Variants in PDZRN3 observed in about 807,000 individuals in gnomAD.
The protein encoded by PDZRN3 is PDZ domain containing ring finger 3.
PDZRN3 carries 38 observed loss-of-function variants against 85.7 expected under a neutral mutation model. The observed-to-expected ratio is 0.44, with a 90% confidence interval of 0.34 to 0.58. The LOEUF (loss-of-function observed/expected upper bound fraction) is 0.58, where lower values mean the gene tolerates loss of function less well. Ranked by LOEUF, PDZRN3 falls within the 20% of genes least tolerant of loss-of-function variation. PDZRN3 has a pLI of 0.01. For missense variants in PDZRN3, 1,629 were observed against 1,506.4 expected (o/e 1.08, Z -1.35); for synonymous variants, 759 against 638.0 (o/e 1.19, Z -2.86).
chr3:73,466,544 G>A (rs1703218259), intron 3 of PDZRN3, among the ~76,000 whole-genome samples: 3 of 152,146 alleles, frequency 2.0e-5, no homozygotes, highest in African/African-American at 7.2e-5. Context: ...TGGCCCAGGA[G>A]AGAATCCTTA....
At chr3:73,605,654 C>T (rs1262746840) in intron 2 of PDZRN3, among the ~76,000 whole-genome samples, 4 of 152,202 alleles carry the variant, frequency 2.6e-5, no homozygotes, top group East Asian at 3.8e-4. Flanking sequence ...TAACTAACAA[C>T]GTGTGTGCAT....
At chr3:73,503,578 T>A (rs1250208498) in intron 3 of PDZRN3, among the ~76,000 whole-genome samples, 1 of 152,232 alleles carries the variant, frequency 6.6e-6, no homozygotes, top group Admixed American at 6.5e-5. Context: ...AAATTCTTCT[T>A]TTGCTTTGTT....
chr3:73,532,937 C>A (rs2106759674), intron 3 of PDZRN3, among the ~76,000 whole-genome samples: 1 of 152,262 alleles, frequency 6.6e-6, no homozygotes, highest in Non-Finnish European at 1.5e-5. Flanking sequence ...CCAGAAGAAT[C>A]TAGAAATCTA....
intron 3 of PDZRN3, among the ~76,000 whole-genome samples, chr3:73,446,550 T>C (rs1329289814): frequency 6.6e-6 from 1 of 152,188 alleles, no homozygotes; most frequent in Non-Finnish European, 1.5e-5. Context: ...TTATTAGACA[T>C]AACCTCAGGA....
chr3:73,515,127 G>C (rs960974205), intron 3 of PDZRN3, among the ~76,000 whole-genome samples: 2 of 149,854 alleles, frequency 1.3e-5, no homozygotes, highest in African/African-American at 4.9e-5. Context: ...GTCCTTTTCT[G>C]ACTAGGTAAT....
At chr3:73,440,349 T>C (rs1310660756) in intron 3 of PDZRN3, among the ~76,000 whole-genome samples, 2 of 152,280 alleles carry the variant, frequency 1.3e-5, no homozygotes, top group East Asian at 3.9e-4. Flanking sequence ...CATCAGTCTC[T>C]GAAAGTCATG....
rs56134399 is a variant in PDZRN3 at position 73,528,885 on chromosome 3, A to AACACACAC, written c.918+73461_918+73468dup. 5.5e-3 allele frequency among the ~76,000 whole-genome samples: 812 copies of AACACACAC among 146,862 alleles called. 9 individuals carry two copies. Among genetic ancestry groups the AACACACAC allele is most frequent in the African/African-American group, 0.018 (733 of 39,920 alleles). On this transcript the variant is annotated intron_variant, in intron 3 of 9. Transcript: ENST00000263666. ...TTAGTCCTAAGAATCTTTTGTGGGA[A>AACACACAC]ACACACACACACACACACACACACA... is the stretch of plus-strand genomic sequence containing the variant.
chr3:73,492,868 T>A (rs1361604776), intron 3 of PDZRN3, among the ~76,000 whole-genome samples: 1 of 152,148 alleles, frequency 6.6e-6, no homozygotes, highest in Non-Finnish European at 1.5e-5. Flanking sequence ...TATGCATGTA[T>A]TGAAATATCA....
chr3:73,412,214 G>A (rs1443385655), intron 3 of PDZRN3, among the ~76,000 whole-genome samples: 1 of 152,174 alleles, frequency 6.6e-6, no homozygotes, highest in African/African-American at 2.4e-5. Context: ...GTTTTTGCAA[G>A]CGTCATGCCC....
At chr3:73,586,052 T>A (rs1575751443) in intron 3 of PDZRN3, among the ~76,000 whole-genome samples, 3 of 152,224 alleles carry the variant, frequency 2.0e-5, no homozygotes, top group Admixed American at 2.0e-4. Context: ...TTTTTAAAGT[T>A]TAGATTTTAC....
At chr3:73,440,697 G>A (rs1389532047) in intron 3 of PDZRN3, among the ~76,000 whole-genome samples, 11 of 152,134 alleles carry the variant, frequency 7.2e-5, no homozygotes, top group Non-Finnish European at 1.6e-4. Context: ...CCTCCAAAAG[G>A]CCCTTGCTAA....
intron 3 of PDZRN3, among the ~76,000 whole-genome samples, chr3:73,578,516 C>A (rs578039380): frequency 6.6e-6 from 1 of 151,876 alleles, no homozygotes. Context: ...GTTCCCGTTA[C>A]ATAGGGGAAA....
chr3:73,462,102 T>C (rs1395401986), intron 3 of PDZRN3, among the ~76,000 whole-genome samples: 1 of 152,240 alleles, frequency 6.6e-6, no homozygotes, highest in African/African-American at 2.4e-5. Flanking sequence ...TTCAATTATA[T>C]GAAAAGCAAG....
At chr3:73,595,478 A>G (rs1702418178) in intron 3 of PDZRN3, among the ~76,000 whole-genome samples, 2 of 152,202 alleles carry the variant, frequency 1.3e-5, no homozygotes. Flanking sequence ...GTGTGTGTTT[A>G]GCAAAATAAG....
intron 3 of PDZRN3, among the ~76,000 whole-genome samples, chr3:73,559,141 A>G (rs774487113): frequency 6.6e-6 from 1 of 152,186 alleles, no homozygotes; most frequent in Non-Finnish European, 1.5e-5. Context: ...GGGTTGTCAC[A>G]ACCTTTCTCT....
intron 3 of PDZRN3, among the ~76,000 whole-genome samples, chr3:73,479,711 T>C (rs533272655): frequency 6.6e-6 from 1 of 152,158 alleles, no homozygotes; most frequent in South Asian, 2.1e-4. Context: ...AAAAATCCCA[T>C]CTCCCCTGCC....
chr3:73,562,983 T>TTTTATATATATATA (rs1337607309), intron 3 of PDZRN3, among the ~76,000 whole-genome samples: 3 of 18,964 alleles, frequency 1.6e-4, no homozygotes. Flanking sequence ...AGTTGGCAAA[T>TTTTATATATATATA]TATATATATA....
intron 3 of PDZRN3, among the ~76,000 whole-genome samples, chr3:73,560,991 T>C (rs1404341966): frequency 1.3e-5 from 2 of 152,178 alleles, no homozygotes; most frequent in African/African-American, 2.4e-5. Flanking sequence ...CAAGCAACTA[T>C]GTAAACAGCT....
At chr3:73,460,335 T>G (rs891793445) in intron 3 of PDZRN3, among the ~76,000 whole-genome samples, 6 of 152,232 alleles carry the variant, frequency 3.9e-5, no homozygotes, top group African/African-American at 1.4e-4. Context: ...CCTCCCTGCA[T>G]TATGATTTGT....
Sources: gnomAD v4.1 joint callset for allele counts (sites outside exome capture counted in the v4.1 genomes callset) on GRCh38, gnomAD v4.1.1 for gene constraint, MANE v1.5 for transcripts, NCBI Gene and HGNC (gene_info 2026-07-23, HGNC 2026-07-21) for gene names.